Variants in SLC49A4 observed in about 807,000 individuals in gnomAD.
SLC49A4 encodes disrupted in renal cancer protein 2.
SLC49A4 carries 36 observed loss-of-function variants against 50.6 expected under a neutral mutation model. The observed-to-expected ratio is 0.71, with a 90% CI of 0.55 to 0.94. SLC49A4 has a LOEUF of 0.94. Among genes scored for constraint, SLC49A4 ranks in the 40% least tolerant of loss-of-function variants. SLC49A4 has a pLI of 0.00. For missense variants in SLC49A4, 503 were observed against 605.7 expected (o/e 0.83, Z 1.78); for synonymous variants, 248 against 241.2 (o/e 1.03, Z -0.26).
intron 3 of SLC49A4, among the ~76,000 whole-genome samples, chr3:122,832,990 C>G (rs1163816195): frequency 1.3e-5 from 2 of 152,100 alleles, no homozygotes; most frequent in Non-Finnish European, 2.9e-5. Flanking sequence ...TTTTGGGAGA[C>G]TGAGGCAGGA....
rs1260956635 is a variant in SLC49A4, at chr3:122,860,178, A to G, written c.1114A>G (p.Ile372Val). Reference sequence around the variant, plus strand: ...GTTCACCCTGACCTGTTTGAACAGCATCACACACCTACCTTTAACCACAGG... The same window carrying G: ...GTTCACCCTGACCTGTTTGAACAGCGTCACACACCTACCTTTAACCACAGG... ...TWFTLTCLNS[I>V]THLPLTTVTL... The change falls in exon 7 of 9, where the codon ATC (isoleucine) becomes GTC (valine). Residue 372 changes from isoleucine (I) to valine (V), a missense_variant. Physicochemically the swap from Ile to Val is conservative, Grantham distance 29. Coordinates refer to ENST00000261038, the MANE Select transcript of SLC49A4 (RefSeq NM_032839.3). The G allele has an allele frequency of 1.9e-6, 3 of 1,608,570 alleles. No homozygotes were observed. Among genetic ancestry groups the G allele is most frequent in the African/African-American group, 1.3e-5 (1 of 74,660 alleles).
chr3:122,869,004 A>G (rs1484896724), intron 7 of SLC49A4, among the ~76,000 whole-genome samples: 3 of 152,224 alleles, frequency 2.0e-5, no homozygotes, highest in African/African-American at 7.2e-5. Flanking sequence ...TCCTGGGTAT[A>G]GACATCAGCT....
At chr3:122,812,398 CA>C (rs1936311386) in intron 2 of SLC49A4, among the ~76,000 whole-genome samples, 1 of 152,152 alleles carries the variant, frequency 6.6e-6, no homozygotes, top group African/African-American at 2.4e-5. Context: ...TAAAAATGAG[CA>C]ATTGGTAGAT....
chr3:122,823,369 A>T (rs919092562), intron 2 of SLC49A4, among the ~76,000 whole-genome samples: 2 of 152,266 alleles, frequency 1.3e-5, no homozygotes, highest in African/African-American at 4.8e-5. Flanking sequence ...AGAGGTCAGA[A>T]GAGAAGAAGG....
chr3:122,851,595 A>G (rs1324680939), intron 5 of SLC49A4, among the ~76,000 whole-genome samples: 1 of 152,162 alleles, frequency 6.6e-6, no homozygotes, highest in Non-Finnish European at 1.5e-5. Context: ...CTTTGATATG[A>G]TATAACTAGG....
Position 122,804,220 on chromosome 3 carries a change from A to G in SLC49A4, c.344-2637A>G, listed in dbSNP as rs1936177140. On this transcript the variant is annotated intron_variant, in intron 1 of 8. Coordinates refer to ENST00000261038, the MANE Select transcript of SLC49A4 (RefSeq NM_032839.3). ...GTGAAAGCAGGAGCAGGAGAGAGAA[A>G]GTCGGGGAGGGGGATGCCACACACT... Among the ~76,000 whole-genome samples the G allele has an allele frequency of 2.0e-5, 3 of 152,190 alleles. No individual in the cohort carries two copies. The South Asian group carries it at 6.2e-4, about 32-fold the overall frequency.
intron 2 of SLC49A4, among the ~76,000 whole-genome samples, chr3:122,810,098 C>T (rs1353387892): frequency 2.6e-5 from 4 of 152,160 alleles, no homozygotes; most frequent in Non-Finnish European, 5.9e-5. Context: ...TTGTTTCACT[C>T]GGAGCTTTTT....
rs1937312027 is a variant in SLC49A4 at position 122,879,821 on chromosome 3, C to T, written c.*443C>T. ...TCTAAAGAAGTTCAAACCCTGTATCCAATTTTAATGATAAAATAGCCAAGA... is the reference window on the plus strand; with the variant it reads ...TCTAAAGAAGTTCAAACCCTGTATCTAATTTTAATGATAAAATAGCCAAGA... On this transcript the variant is annotated 3_prime_UTR_variant, in exon 9 of 9. Transcript: ENST00000261038. 6.5e-6 allele frequency: 1 copy of T among 153,436 alleles called. No individual in the cohort carries two copies. Among genetic ancestry groups the T allele is most frequent in the Non-Finnish European group, 1.5e-5 (1 of 68,706 alleles). 9.5% of individuals were successfully genotyped at this position (153,436 alleles called of 1,614,324 possible).
intron 2 of SLC49A4, among the ~76,000 whole-genome samples, chr3:122,816,207 C>T (rs115382177): frequency 0.032 from 4,872 of 152,200 alleles, 111 homozygotes; most frequent in Middle Eastern, 0.078. Flanking sequence ...TATTTCCTGC[C>T]ATTTGGATTC....
At chr3:122,834,866 G>A (rs1207879895) in intron 4 of SLC49A4, among the ~76,000 whole-genome samples, 4 of 152,124 alleles carry the variant, frequency 2.6e-5, no homozygotes, top group Non-Finnish European at 5.9e-5. Context: ...TGAAAATGGA[G>A]ACGTTACAGT....
intron 7 of SLC49A4, among the ~76,000 whole-genome samples, chr3:122,862,216 CAT>C (rs1430258341): frequency 6.6e-6 from 1 of 151,970 alleles, no homozygotes; most frequent in Non-Finnish European, 1.5e-5. Context: ...ATATATCATA[CAT>C]GTTATTAAAT....
At chr3:122,833,024 C>T (rs1361980686) in intron 3 of SLC49A4, among the ~76,000 whole-genome samples, 1 of 151,900 alleles carries the variant, frequency 6.6e-6, no homozygotes, top group Non-Finnish European at 1.5e-5. Context: ...ATCACTTGAG[C>T]TCAGGAGTTC....
chr3:122,820,352 T>G (rs1045148546), intron 2 of SLC49A4, among the ~76,000 whole-genome samples: 2 of 152,236 alleles, frequency 1.3e-5, no homozygotes, highest in Admixed American at 1.3e-4. Context: ...GTTATAAAAT[T>G]ATAAATGTGA....
At chr3:122,855,930 T>TA (rs1291350617) in intron 5 of SLC49A4, among the ~76,000 whole-genome samples, 6 of 152,232 alleles carry the variant, frequency 3.9e-5, no homozygotes, top group African/African-American at 7.2e-5. Context: ...CACCTCCTGA[T>TA]ACATTTTTAG....
rs554780858 is a variant in SLC49A4, at chr3:122,856,232, G to A, written c.943-75G>A. ...TTTAGCTACTAACATATTGATTATA[G>A]AGGACTTTTTTTCATTCCTTTTATA... On this transcript the variant is annotated intron_variant, in intron 5 of 8. Coordinates refer to ENST00000261038, the MANE Select transcript of SLC49A4 (RefSeq NM_032839.3). 5 of 1,400,546 alleles carry A rather than the reference G, an allele frequency of 3.6e-6. No individual in the cohort carries two copies. In the South Asian group the frequency reaches 3.6e-5, roughly 10 times the overall value. 86.8% of individuals were successfully genotyped at this position (1,400,546 alleles called of 1,614,324 possible).
At chr3:122,844,029 G>A (rs1461810473) in intron 4 of SLC49A4, among the ~76,000 whole-genome samples, 1 of 152,062 alleles carries the variant, frequency 6.6e-6, no homozygotes, top group Non-Finnish European at 1.5e-5. Flanking sequence ...AAACACTACT[G>A]CAGTGACATC....
At chr3:122,848,566 A>ATTTTCAT (rs1387315882) in intron 5 of SLC49A4, among the ~76,000 whole-genome samples, 1 of 152,090 alleles carries the variant, frequency 6.6e-6, no homozygotes, top group Non-Finnish European at 1.5e-5. Flanking sequence ...TCTCTGAATG[A>ATTTTCAT]TGCTTTATAA....
chr3:122,825,836 C>G (rs1391026667), intron 2 of SLC49A4, among the ~76,000 whole-genome samples: 1 of 151,916 alleles, frequency 6.6e-6, no homozygotes, highest in Non-Finnish European at 1.5e-5. Flanking sequence ...TTCAAGGCAG[C>G]TCTTAAATGT....
rs1268186275 is a variant in SLC49A4 at position 122,849,344 on chromosome 3, GA to G, written c.942+3476del. On this transcript the variant is annotated intron_variant, in intron 5 of 8. Coordinates refer to ENST00000261038, the MANE Select transcript of SLC49A4 (RefSeq NM_032839.3). ...TTCCTTTCTATTGGGTATATACCCA[GA>G]AATGGGATTGCTACATCATATGGTA... Among the ~76,000 whole-genome samples, 5 of 152,256 alleles carry G rather than the reference GA, an allele frequency of 3.3e-5. No individual in the cohort carries two copies. The East Asian group carries it at 9.6e-4, about 29-fold the overall frequency.
Sources: allele counts gnomAD v4.1 joint callset (sites outside exome capture counted in the v4.1 genomes callset), GRCh38; gene constraint gnomAD v4.1.1; transcripts MANE v1.5; gene names NCBI Gene and HGNC (gene_info 2026-07-23, HGNC 2026-07-21).